The following ACTL8 variants were observed in gnomAD, a reference collection of about 807,000 sequenced individuals.
The protein encoded by ACTL8 is actin-like protein 8.
In ACTL8, 3 loss-of-function variants were observed where a neutral mutation model predicts 9.3. That is an observed-to-expected ratio of 0.32 (90% confidence interval 0.15 to 0.83). ACTL8 has a LOEUF of 0.83. Among genes scored for constraint, ACTL8 ranks in the 40% least tolerant of loss-of-function variants. ACTL8 has a pLI of 0.57. For synonymous variants in ACTL8, 224 were observed against 205.9 expected (o/e 1.09, Z -0.75); for missense variants, 381 against 492.2 (o/e 0.77, Z 2.14).
Position 17,826,291 on chromosome 1 carries a change from G to C in ACTL8, c.873G>C (p.Leu291=). 8.1e-6 allele frequency: 13 copies of C among 1,610,590 alleles called. No homozygotes were observed. The highest frequency in any genetic ancestry group is 1.1e-5 in the Non-Finnish European group (13 of 1,177,278). The change falls in exon 3 of 3, where the codon CTG becomes CTC. Residue 291 remains leucine (L), a synonymous_variant. Coordinates refer to ENST00000375406, the MANE Select transcript of ACTL8 (RefSeq NM_030812.3). This position sits in a 1 kb window ranked among gnomAD's most constrained non-coding sequence, Gnocchi z 4.5. ...ESCEISLRPL[L]VSHVMACGGN... ...GCGAGATCTCCCTGCGCCCCCTGCTGGTCTCCCACGTGATGGCCTGCGGGG... is the reference window on the plus strand; with the variant it reads ...GCGAGATCTCCCTGCGCCCCCTGCTCGTCTCCCACGTGATGGCCTGCGGGG...
chr1:17,784,129 G>A (rs1217389667), intron 1 of ACTL8, among the ~76,000 whole-genome samples: 2 of 152,194 alleles, frequency 1.3e-5, no homozygotes, highest in Non-Finnish European at 2.9e-5. Flanking sequence ...GAGGCTGTAC[G>A]GGAACCATGG....
intron 1 of ACTL8, among the ~76,000 whole-genome samples, chr1:17,771,071 G>A (rs2066079947): frequency 6.6e-6 from 1 of 152,146 alleles, no homozygotes; most frequent in African/African-American, 2.4e-5. Flanking sequence ...TATAGAACAG[G>A]GGCGGCAAAC....
intron 1 of ACTL8, among the ~76,000 whole-genome samples, chr1:17,815,566 G>T (rs926735351): frequency 6.6e-6 from 1 of 151,910 alleles, no homozygotes; most frequent in Non-Finnish European, 1.5e-5. Flanking sequence ...TTTTTCTCTG[G>T]ATTCTTTGAA....
At chr1:17,784,184 G>A (rs2066178175) in intron 1 of ACTL8, among the ~76,000 whole-genome samples, 1 of 152,180 alleles carries the variant, frequency 6.6e-6, no homozygotes, top group Non-Finnish European at 1.5e-5. Flanking sequence ...GAAGGTGAAG[G>A]GGAAGCAAGC....
chr1:17,779,163 T>TC (rs1439839775), intron 1 of ACTL8, among the ~76,000 whole-genome samples: 1 of 152,146 alleles, frequency 6.6e-6, no homozygotes, highest in Non-Finnish European at 1.5e-5. Context: ...GTTTGATTTC[T>TC]CCCCTGGGCA....
intron 1 of ACTL8, among the ~76,000 whole-genome samples, chr1:17,801,454 T>G (rs976494656): frequency 6.6e-6 from 1 of 152,230 alleles, no homozygotes; most frequent in Non-Finnish European, 1.5e-5. Flanking sequence ...ATTTAATGAT[T>G]ATTGCACATT....
intron 1 of ACTL8, among the ~76,000 whole-genome samples, chr1:17,766,926 T>C (rs981504110): frequency 6.6e-6 from 1 of 152,236 alleles, no homozygotes; most frequent in Non-Finnish European, 1.5e-5. Context: ...TGCTGAGGAT[T>C]CAGTCCTGGG....
chr1:17,771,897 G>A (rs773157682), intron 1 of ACTL8, among the ~76,000 whole-genome samples: 6 of 151,548 alleles, frequency 4.0e-5, no homozygotes, highest in Non-Finnish European at 7.4e-5. Context: ...ATTCTTCCAC[G>A]GTCCTTTTCT....
At chr1:17,770,285 A>T (rs1490634684) in intron 1 of ACTL8, among the ~76,000 whole-genome samples, 1 of 152,200 alleles carries the variant, frequency 6.6e-6, no homozygotes, top group Admixed American at 6.5e-5. Context: ...CTCCTCGTAG[A>T]TTCAGAGAGA....
intron 1 of ACTL8, among the ~76,000 whole-genome samples, chr1:17,773,099 C>T (rs547740759): frequency 2.0e-5 from 3 of 152,284 alleles, no homozygotes; most frequent in South Asian, 4.2e-4. Flanking sequence ...CGAAGCCCCT[C>T]GAGAAGATAG....
intron 1 of ACTL8, among the ~76,000 whole-genome samples, chr1:17,810,806 A>G (rs913730779): frequency 6.6e-6 from 1 of 152,228 alleles, no homozygotes; most frequent in African/African-American, 2.4e-5. Flanking sequence ...TAATTTTGAC[A>G]GTCATGGATG....
chr1:17,805,213 G>A (rs2066350518), intron 1 of ACTL8, among the ~76,000 whole-genome samples: 1 of 151,964 alleles, frequency 6.6e-6, no homozygotes, highest in South Asian at 2.1e-4. Flanking sequence ...ATGTCTGTGT[G>A]CTTCCTGCCC....
chr1:17,792,635 TC>T (rs1192602770), intron 1 of ACTL8, among the ~76,000 whole-genome samples: 16 of 152,236 alleles, frequency 1.1e-4, no homozygotes, highest in Non-Finnish European at 2.2e-4. Context: ...GCCCTGCTCA[TC>T]CTGCCATTAC....
At position 17,823,270 on chromosome 1, in the gene ACTL8, A is replaced by T; in HGVS notation, c.262A>T (p.Asn88Tyr). 4 of 1,614,044 alleles carry T rather than the reference A, an allele frequency of 2.5e-6. No individual in the cohort carries two copies. The South Asian group carries it at 4.4e-5, about 18-fold the overall frequency. The change falls in exon 2 of 3, where the codon AAC becomes TAC. Residue 88 changes from asparagine (N) to tyrosine (Y), a missense_variant. Asn to Tyr is a moderately radical substitution (Grantham distance 143, BLOSUM62 -2). Transcript: ENST00000375406. The surrounding 1 kb of genome is among the most constrained non-coding windows in gnomAD (Gnocchi z 5.3). Reference sequence around the variant, plus strand: ...GTACCTCTGGTCATTTGTGTTGGAGAACCACAGACGGGAGCAAGAGGTCCC... The same window carrying T: ...GTACCTCTGGTCATTTGTGTTGGAGTACCACAGACGGGAGCAAGAGGTCCC... ...VQYLWSFVLE[N>Y]HRREQEVPPV... is the part of the protein sequence containing the mutation.
chr1:17,781,241 T>C (rs568533276), intron 1 of ACTL8, among the ~76,000 whole-genome samples: 29 of 150,116 alleles, frequency 1.9e-4, no homozygotes, highest in East Asian at 5.9e-4. Context: ...TTCTTTCTTT[T>C]TTTTTTTTTT....
chr1:17,821,569 T>C (rs531314239), intron 1 of ACTL8, among the ~76,000 whole-genome samples: 22 of 152,306 alleles, frequency 1.4e-4, no homozygotes, highest in African/African-American at 5.3e-4. Context: ...AAATGACACT[T>C]TTTTTGTGTG....
At chr1:17,821,615 A>G (rs1222188883) in intron 1 of ACTL8, among the ~76,000 whole-genome samples, 4 of 146,430 alleles carry the variant, frequency 2.7e-5, no homozygotes, top group Non-Finnish European at 4.5e-5. Context: ...CCATGGATCT[A>G]TGTTTGTGAC....
intron 2 of ACTL8, among the ~76,000 whole-genome samples, chr1:17,824,077 G>A (rs369205740): frequency 6.6e-6 from 1 of 152,234 alleles, no homozygotes; most frequent in East Asian, 1.9e-4. Flanking sequence ...TGAAGAGAGC[G>A]CTCAGGAAGG....
intron 1 of ACTL8, among the ~76,000 whole-genome samples, chr1:17,765,880 G>A (rs867432763): frequency 2.0e-5 from 3 of 152,148 alleles, no homozygotes; most frequent in African/African-American, 7.2e-5. Flanking sequence ...GCCATTTCCC[G>A]GGTCCTAGGA....
Sources: allele counts gnomAD v4.1 joint callset (sites outside exome capture counted in the v4.1 genomes callset), GRCh38; gene constraint gnomAD v4.1.1; non-coding constraint Gnocchi (gnomAD v3.1); transcripts MANE v1.5; gene names NCBI Gene and HGNC (gene_info 2026-07-23, HGNC 2026-07-21).